SEMA5A: variants seen among roughly 807,000 people sequenced by gnomAD.
SEMA5A encodes semaphorin-5A.
SEMA5A carries 55 observed loss-of-function variants against 135.5 expected under a neutral mutation model. That is an observed-to-expected ratio of 0.41 (90% CI 0.33 to 0.51). SEMA5A has a LOEUF of 0.51. Ranked by LOEUF, SEMA5A falls within the 20% of genes least tolerant of loss-of-function variation. The probability of loss-of-function intolerance (pLI) is 0.37; values close to 1 mark genes in which losing one functional copy is unlikely to be tolerated. For synonymous variants in SEMA5A, 580 were observed against 546.5 expected, an observed-to-expected ratio of 1.06 and a Z score of -0.85; for missense variants, 1,290 against 1,419.9, an observed-to-expected ratio of 0.91 and a Z score of 1.47.
intron 18 of SEMA5A, among the ~76,000 whole-genome samples, chr5:9,056,708 G>A (rs1019355836): frequency 8.5e-5 from 13 of 152,150 alleles, no homozygotes; most frequent in African/African-American, 2.4e-4. Flanking sequence ...CTGACACAGC[G>A]AGACTCCATC....
rs145589050 is a variant in SEMA5A, at chr5:9,153,005, T to C, written c.1481+1483A>G. ...ATCGCTTGAACCCAGGAGGTGGAGA[T>C]TGCAGTGAGCCGAGATCACACCACT... On this transcript the variant is annotated intron_variant, in intron 12 of 22. Coordinates refer to ENST00000382496, the MANE Select transcript of SEMA5A (RefSeq NM_003966.3). Among the ~76,000 whole-genome samples the C allele has an allele frequency of 3.5e-3, 531 of 150,482 alleles. 2 individuals carry two copies. The highest frequency in any genetic ancestry group is 0.013 in the African/African-American group (512 of 40,826).
At chr5:9,095,433 G>A (rs915213024) in intron 16 of SEMA5A, among the ~76,000 whole-genome samples, 1 of 152,186 alleles carries the variant, frequency 6.6e-6, no homozygotes, top group Non-Finnish European at 1.5e-5. Context: ...AGCCGCTGTT[G>A]TGCCCTTTCT....
chr5:9,304,380 A>AT (rs1434965982), intron 5 of SEMA5A, among the ~76,000 whole-genome samples: 1 of 152,014 alleles, frequency 6.6e-6, no homozygotes, highest in Non-Finnish European at 1.5e-5. Context: ...ACATATCCTT[A>AT]TTTTTTGTGA....
In SEMA5A at chr5:9,035,813, T is replaced by C. The variant is rs1244945428; in HGVS notation, c.*7084A>G. On this transcript the variant is annotated 3_prime_UTR_variant, in exon 23 of 23. Coordinates refer to ENST00000382496, the MANE Select transcript of SEMA5A (RefSeq NM_003966.3). ...TAGCAACCCAAGATCCATTTTCTCA[T>C]TCAAACAAAGGGGAAATGTAAAGCT... 6.6e-6 allele frequency: 1 copy of C among 152,102 alleles called. No individual in the cohort carries two copies. The highest frequency in any genetic ancestry group is 1.9e-4 in the East Asian group (1 of 5,188). 9.4% of individuals were successfully genotyped at this position (152,102 alleles called of 1,614,324 possible).
At chr5:9,308,313 T>A (rs2150634798) in intron 5 of SEMA5A, among the ~76,000 whole-genome samples, 1 of 152,276 alleles carries the variant, frequency 6.6e-6, no homozygotes, top group East Asian at 1.9e-4. Flanking sequence ...GGAAGTTATG[T>A]CACCAAACAC....
intron 8 of SEMA5A, among the ~76,000 whole-genome samples, chr5:9,207,114 A>ATATATATATATATATATATG (rs1746071646): frequency 1.5e-5 from 2 of 132,418 alleles, no homozygotes. Flanking sequence ...ATATATATAT[A>ATATATATATATATATATATG]TATATATATA....
At chr5:9,169,344 T>C (rs1007705519) in intron 11 of SEMA5A, among the ~76,000 whole-genome samples, 2 of 152,210 alleles carry the variant, frequency 1.3e-5, no homozygotes, top group African/African-American at 4.8e-5. Flanking sequence ...CTTAAGTTTC[T>C]CCTATATCTT....
intron 1 of SEMA5A, among the ~76,000 whole-genome samples, chr5:9,535,914 G>A (rs1243016203): frequency 1.3e-5 from 2 of 152,132 alleles, no homozygotes; most frequent in East Asian, 1.9e-4. Flanking sequence ...TAACTGAATA[G>A]CCATACGTGC....
chr5:9,232,214 G>A (rs1329679500), intron 6 of SEMA5A, among the ~76,000 whole-genome samples: 1 of 152,088 alleles, frequency 6.6e-6, no homozygotes, highest in African/African-American at 2.4e-5. Flanking sequence ...ATGTTCTGTG[G>A]ATCCCTCAGG....
At position 9,142,313 on chromosome 5, in the gene SEMA5A, G is replaced by C. The variant is rs186728657; in HGVS notation, c.1482-5692C>G. Among the ~76,000 whole-genome samples, 7 of 152,262 alleles carry C rather than the reference G, an allele frequency of 4.6e-5. No individual in the cohort carries two copies. In the East Asian group the frequency reaches 1.4e-3, roughly 29 times the overall value. On this transcript the variant is annotated intron_variant, in intron 12 of 22. Coordinates refer to ENST00000382496, the MANE Select transcript of SEMA5A (RefSeq NM_003966.3). The stretch of plus-strand genomic sequence containing the variant: ...CAAGAACAGAACCTTTTTGCAGAGA[G>C]ATCAGCTTGGGAAAAGCACTCAGTG...
intron 4 of SEMA5A, among the ~76,000 whole-genome samples, chr5:9,331,852 CT>C (rs1335544707): frequency 1.3e-5 from 2 of 152,190 alleles, no homozygotes; most frequent in African/African-American, 4.8e-5. Flanking sequence ...CCTTTTTTAT[CT>C]GTAGTTTTGT....
At chr5:9,530,619 G>A (rs1251274803) in intron 1 of SEMA5A, among the ~76,000 whole-genome samples, 1 of 152,202 alleles carries the variant, frequency 6.6e-6, no homozygotes, top group East Asian at 1.9e-4. Context: ...TATGTAAGGA[G>A]AAATGATTAA....
intron 1 of SEMA5A, among the ~76,000 whole-genome samples, chr5:9,501,306 G>A (rs1735585817): frequency 6.6e-6 from 1 of 152,182 alleles, no homozygotes. Context: ...AATGTAGAAG[G>A]CTGAGATAAG....
At chr5:9,187,360 T>C (rs1007223596) in intron 11 of SEMA5A, among the ~76,000 whole-genome samples, 4 of 152,004 alleles carry the variant, frequency 2.6e-5, no homozygotes, top group Admixed American at 2.6e-4. Flanking sequence ...ATTATAGAGG[T>C]TGTTCAGTTA....
chr5:9,408,257 C>T (rs1306669310), intron 2 of SEMA5A, among the ~76,000 whole-genome samples: 1 of 152,206 alleles, frequency 6.6e-6, no homozygotes, highest in Admixed American at 6.5e-5. Context: ...GCACGGAATA[C>T]TATAACCCTG....
chr5:9,320,021 A>T (rs1199923570), intron 4 of SEMA5A, among the ~76,000 whole-genome samples: 1 of 152,138 alleles, frequency 6.6e-6, no homozygotes, highest in African/African-American at 2.4e-5. Context: ...CAGCTGAAGG[A>T]TGAAAGAGGA....
rs544428438 is a variant in SEMA5A, at chr5:9,305,085, A to G, written c.270+13287T>C. On this transcript the variant is annotated intron_variant, in intron 5 of 22. Coordinates refer to ENST00000382496, the MANE Select transcript of SEMA5A (RefSeq NM_003966.3). ...CCCGCCGCACAACAGTTCCACAATT[A>G]TCTCCCTTTGCCCTCATCCCAGGAA... Among the ~76,000 whole-genome samples the G allele has an allele frequency of 7.9e-5, 12 of 151,946 alleles. 1 individual carries two copies. In the South Asian group the frequency reaches 2.5e-3, roughly 32 times the overall value.
At chr5:9,537,388 T>C (rs772504714) in intron 1 of SEMA5A, among the ~76,000 whole-genome samples, 15 of 152,194 alleles carry the variant, frequency 9.9e-5, no homozygotes, top group Non-Finnish European at 1.5e-4. Context: ...AACATTAGCT[T>C]GTTGAAAATG....
At chr5:9,229,163 G>A (rs891552842) in intron 6 of SEMA5A, among the ~76,000 whole-genome samples, 1 of 152,172 alleles carries the variant, frequency 6.6e-6, no homozygotes, top group Admixed American at 6.5e-5. Flanking sequence ...AACAGTAATA[G>A]TAACCACTTA....
Sources: gnomAD v4.1 joint callset for allele counts (sites outside exome capture counted in the v4.1 genomes callset) on GRCh38, gnomAD v4.1.1 for gene constraint, MANE v1.5 for transcripts, NCBI Gene and HGNC (gene_info 2026-07-23, HGNC 2026-07-21) for gene names.